Variants in NAAA observed in about 807,000 individuals in gnomAD.
NAAA encodes the protein N-acylethanolamine-hydrolyzing acid amidase.
A neutral mutation model predicts 44.8 loss-of-function variants in NAAA; 39 were observed. The observed-to-expected ratio is 0.87, with a 90% confidence interval of 0.67 to 1.14. NAAA has a LOEUF of 1.14. Ranked by LOEUF, NAAA falls within the 50% of genes most tolerant of loss-of-function variation. NAAA has a pLI of 0.00. For synonymous variants in NAAA, 178 were observed against 191.3 expected, an observed-to-expected ratio of 0.93 and a Z score of 0.58; for missense variants, 460 against 467.8, an observed-to-expected ratio of 0.98 and a Z score of 0.15.
intron 9 of NAAA, chr4:75,917,182 G>T: frequency 1.4e-6 from 1 of 703,338 alleles, no homozygotes; most frequent in Non-Finnish European, 1.7e-6. Flanking sequence ...GCAACATTGT[G>T]CCCCGCTATG....
At chr4:75,925,704 T>C in intron 5 of NAAA, 31 bp downstream of exon 5, 3 of 1,600,440 alleles carry the variant, frequency 1.9e-6, no homozygotes, top group Non-Finnish European at 2.6e-6. Flanking sequence ...GGAGGTGGAG[T>C]TAAGGAGGGC....
chr4:75,940,071 C>T lies in NAAA; in HGVS notation c.301G>A (p.Gly101Ser), dbSNP rs755455747. 6.2e-7 allele frequency: 1 copy of T among 1,614,130 alleles called. No individual in the cohort carries two copies. The highest frequency in any genetic ancestry group is 8.5e-7 in the Non-Finnish European group (1 of 1,180,044). The change falls in exon 2 of 11, where the codon GGC (glycine) becomes AGC (serine). Residue 101 changes from glycine (G) to serine (S), a missense_variant. By Grantham distance (56) the Gly-to-Ser change is moderately conservative. Coordinates refer to ENST00000286733, the MANE Select transcript of NAAA (RefSeq NM_014435.4). ...LPQPFTGEIR[G>S]MCDFMNLSLA... is the part of the protein sequence containing the mutation. ...CTGAGGTTCATGAAGTCACACATGCCGCGGATCTCGCCGGTGAAGGGCTGG... is the reference window on the plus strand; with the variant it reads ...CTGAGGTTCATGAAGTCACACATGCTGCGGATCTCGCCGGTGAAGGGCTGG...
chr4:75,933,224 G>A (rs1440483862), intron 3 of NAAA, among the ~76,000 whole-genome samples: 1 of 151,084 alleles, frequency 6.6e-6, no homozygotes, highest in African/African-American at 2.4e-5. Flanking sequence ...GAAATAGATA[G>A]TCCTAGATTG....
chr4:75,935,230 G>A (rs190333626), intron 3 of NAAA: 1 of 152,166 alleles, frequency 6.6e-6, no homozygotes, highest in Non-Finnish European at 1.5e-5. Context: ...GTTTGTAAAA[G>A]CAGATGACTG....
chr4:75,935,716 G>A (rs1031832002), intron 3 of NAAA: 4 of 229,374 alleles, frequency 1.7e-5, no homozygotes, highest in Non-Finnish European at 2.5e-5. Context: ...ATAGAATCAA[G>A]ATTTAAACCT....
At chr4:75,918,362 G>A (rs1014361152) in intron 9 of NAAA, among the ~76,000 whole-genome samples, 2 of 152,138 alleles carry the variant, frequency 1.3e-5, no homozygotes, top group Admixed American at 1.3e-4. Context: ...GGCTGAGGCA[G>A]GAGAATGGTG....
intron 7 of NAAA, 131 bp from the exon 8 acceptor site, chr4:75,920,106 C>A: frequency 1.1e-6 from 1 of 874,836 alleles, no homozygotes; most frequent in Non-Finnish European, 1.9e-6. Context: ...ATTCTGGCCC[C>A]AAGCCTGTTT....
chr4:75,940,846 C>A lies in NAAA; in HGVS notation c.104G>T (p.Arg35Leu). 1.3e-6 allele frequency: 2 copies of A among 1,588,362 alleles called. No individual in the cohort carries two copies. The highest frequency in any genetic ancestry group is 2.2e-5 in the South Asian group (2 of 89,332). The change falls in exon 1 of 11, where the codon CGC becomes CTC. Residue 35 changes from arginine (R) to leucine (L), a missense_variant. Transcript: ENST00000286733. ...GACCGAGTCCAGGCTCACGTTGAAG[C>A]GCGGCGCTGCTGGGGGCGAGGCGGC... ...LSAASPPAAP[R>L]FNVSLDSVPE... is the part of the protein sequence containing the mutation.
intron 4 of NAAA, among the ~76,000 whole-genome samples, chr4:75,928,371 C>T (rs1726923431): frequency 6.6e-6 from 1 of 152,112 alleles, no homozygotes; most frequent in Admixed American, 6.6e-5. Flanking sequence ...GCTAGCTCAG[C>T]AGTGGAGGTA....
At chr4:75,936,889 A>G (rs985166470) in intron 2 of NAAA, among the ~76,000 whole-genome samples, 4 of 152,230 alleles carry the variant, frequency 2.6e-5, no homozygotes, top group African/African-American at 9.6e-5. Flanking sequence ...TTAACTGTAC[A>G]TGAAAAAATA....
intron 1 of NAAA, 82 bp downstream of exon 1, chr4:75,940,662 T>A (rs1728186281): frequency 7.0e-7 from 1 of 1,421,354 alleles, no homozygotes. Context: ...CGTCCCCGTT[T>A]AAAGCACTCT....
At chr4:75,930,511 G>C in intron 4 of NAAA, 1 of 517,612 alleles carries the variant, frequency 1.9e-6, no homozygotes, top group South Asian at 1.4e-5. Flanking sequence ...GGATGTACAT[G>C]GTAAACCAGA....
In NAAA at chr4:75,921,126, G is replaced by T; in HGVS notation, c.667-3C>A. ...AAGTTTTCCGACTCACTCAGGGTCT[G>T]AACGAAAGGATGAACTTGCGTGAGC... is the stretch of plus-strand genomic sequence containing the variant. On this transcript the variant is annotated splice_region_variant and splice_polypyrimidine_tract_variant and intron_variant, in intron 5 of 10. Transcript: ENST00000286733. 1 of 1,564,892 alleles carries T rather than the reference G, an allele frequency of 6.4e-7. No homozygotes were observed. Among genetic ancestry groups the T allele is most frequent in the Non-Finnish European group, 8.6e-7 (1 of 1,161,190 alleles).
chr4:75,923,182 G>A (rs1000987496), intron 5 of NAAA, among the ~76,000 whole-genome samples: 7 of 152,162 alleles, frequency 4.6e-5, no homozygotes, highest in Non-Finnish European at 8.8e-5. Flanking sequence ...GTCTGGGACT[G>A]CAGGCGAGCA....
rs572083101 is a variant in NAAA, at chr4:75,940,640, C to G, written c.206+104G>C. ...GCCAAAACCAGTTCTCCAAGGGTGG[C>G]GGGGAGTAAAGCGTCCCCGTTTAAA... On this transcript the variant is annotated intron_variant, in intron 1 of 10. Transcript: ENST00000286733. 3.2e-6 allele frequency: 4 copies of G among 1,257,612 alleles called. No homozygotes were observed. The African/African-American group carries it at 6.1e-5, about 19-fold the overall frequency. The allele number at this position is 1,257,612 out of a possible 1,614,324, so 77.9% of individuals were successfully genotyped here.
intron 4 of NAAA, among the ~76,000 whole-genome samples, chr4:75,930,141 A>G (rs1224414701): frequency 6.6e-6 from 1 of 152,094 alleles, no homozygotes; most frequent in Non-Finnish European, 1.5e-5. Flanking sequence ...AAACAACACC[A>G]TGAAGTCAAT....
In NAAA at chr4:75,931,149, G is replaced by A. The variant is rs371873363; in HGVS notation, c.589+65C>T. Reference sequence around the variant, plus strand: ...CTGTATATTCTGTTGGGTGAGTGAAGGAAGTGCTTGGATAGAACTGAACAA... The same window carrying A: ...CTGTATATTCTGTTGGGTGAGTGAAAGAAGTGCTTGGATAGAACTGAACAA... On this transcript the variant is annotated intron_variant, in intron 4 of 10. Transcript: ENST00000286733. 3.6e-5 allele frequency: 47 copies of A among 1,307,398 alleles called. No homozygotes were observed. In the East Asian group the frequency reaches 4.5e-4, roughly 12 times the overall value. 81.0% of individuals were successfully genotyped at this position (1,307,398 alleles called of 1,614,324 possible).
chr4:75,911,129 G>A (rs1725307388), downstream of NAAA, among the ~76,000 whole-genome samples: 1 of 152,162 alleles, frequency 6.6e-6, no homozygotes, highest in South Asian at 2.1e-4. Context: ...GCAAGGGTGG[G>A]GAGGGTGTCT....
chr4:75,910,776 T>C (rs910914375), downstream of NAAA, among the ~76,000 whole-genome samples: 10 of 152,150 alleles, frequency 6.6e-5, no homozygotes, highest in Non-Finnish European at 1.3e-4. Context: ...TCTGGACACA[T>C]TGTAGTTAAA....
Sources: gnomAD v4.1 joint callset for allele counts (sites outside exome capture counted in the v4.1 genomes callset) on GRCh38, gnomAD v4.1.1 for gene constraint, MANE v1.5 for transcripts, NCBI Gene and HGNC (gene_info 2026-07-23, HGNC 2026-07-21) for gene names.